The following SPRED1 variants were observed in gnomAD, a reference collection of about 807,000 sequenced individuals.
SPRED1 encodes the protein sprouty related EVH1 domain containing 1.
Under a neutral mutation model 52.3 loss-of-function variants are expected in SPRED1, and 18 were observed. That is an observed-to-expected ratio of 0.34 (90% confidence interval 0.24 to 0.51). The LOEUF (loss-of-function observed/expected upper bound fraction) is 0.51, where lower values mean the gene tolerates loss of function less well. Among genes scored for constraint, SPRED1 ranks in the 20% least tolerant of loss-of-function variants. The pLI, the probability that SPRED1 is intolerant of heterozygous loss-of-function variation, is 0.97. For missense variants in SPRED1, 485 were observed against 551.0 expected, an observed-to-expected ratio of 0.88 and a Z score of 1.20; for synonymous variants, 155 against 179.7, an observed-to-expected ratio of 0.86 and a Z score of 1.10.
At chr15:38,300,331 C>A (rs970089883) in intron 2 of SPRED1, among the ~76,000 whole-genome samples, 2 of 152,120 alleles carry the variant, frequency 1.3e-5, no homozygotes, top group African/African-American at 4.8e-5. Context: ...GAAGAGCATA[C>A]ACTTAGACGC....
chr15:38,351,242 C>A lies in SPRED1; in HGVS notation c.913C>A (p.Pro305Thr), dbSNP rs1448326986. ...TGGGGATGAGACTAAGTTAAGTTCA[C>A]CCAAAGACTCTGTGGTATTTAAGAC... ...SCGDETKLSS[P>T]KDSVVFKTQP... The change falls in exon 7 of 7, where the codon CCC becomes ACC. Residue 305 changes from proline to threonine, a missense_variant. Coordinates refer to ENST00000299084, the MANE Select transcript of SPRED1 (RefSeq NM_152594.3). The A allele has an allele frequency of 1.9e-6, 3 of 1,613,924 alleles. No individual in the cohort carries two copies. The highest frequency in any genetic ancestry group is 2.5e-6 in the Non-Finnish European group (3 of 1,180,024).
chr15:38,276,071 TAC>T (rs1176077376), intron 1 of SPRED1, among the ~76,000 whole-genome samples: 3 of 152,254 alleles, frequency 2.0e-5, no homozygotes, highest in Non-Finnish European at 2.9e-5. Context: ...TAATAATAGA[TAC>T]AGTTATTTCA....
At chr15:38,323,353 A>G (rs1466075923) in intron 3 of SPRED1, among the ~76,000 whole-genome samples, 1 of 152,156 alleles carries the variant, frequency 6.6e-6, no homozygotes, top group African/African-American at 2.4e-5. Flanking sequence ...AAAAATTACT[A>G]TGAAGTAATA....
In SPRED1 at chr15:38,339,767, G is replaced by C. The variant is rs1311531789; in HGVS notation, c.454G>C (p.Val152Leu). ...ANEEDSSSSL[V>L]KDHLFQQETV... Reference sequence around the variant, plus strand: ...TGAAGAGGATTCTTCCAGTTCTCTAGTGAAGGATCACCTTTTTCAGCAAGA... The same window carrying C: ...TGAAGAGGATTCTTCCAGTTCTCTACTGAAGGATCACCTTTTTCAGCAAGA... The change falls in exon 5 of 7, where the codon GTG becomes CTG. Residue 152 changes from valine (V) to leucine (L), a missense_variant. Val to Leu is a conservative substitution (Grantham distance 32, BLOSUM62 1). This residue lies in a region of SPRED1 where 232 missense variants were observed against 231.8 expected (regional missense o/e 1.00). Coordinates refer to ENST00000299084, the MANE Select transcript of SPRED1 (RefSeq NM_152594.3). 1 of 1,613,772 alleles carries C rather than the reference G, an allele frequency of 6.2e-7. No individual in the cohort carries two copies. The highest frequency in any genetic ancestry group is 8.5e-7 in the Non-Finnish European group (1 of 1,179,912).
chr15:38,268,173 G>A (rs1894352000), intron 1 of SPRED1: 1 of 152,214 alleles, frequency 6.6e-6, no homozygotes, highest in African/African-American at 2.4e-5. Context: ...CTCTACTCTA[G>A]CTACAGCAAT....
At chr15:38,263,860 A>G (rs1279055285) in intron 1 of SPRED1, among the ~76,000 whole-genome samples, 1 of 152,122 alleles carries the variant, frequency 6.6e-6, no homozygotes, top group Non-Finnish European at 1.5e-5. Context: ...AAGAAAGTGT[A>G]CAAATTTGGG....
intron 6 of SPRED1, among the ~76,000 whole-genome samples, chr15:38,350,595 A>G (rs1888459986): frequency 6.6e-6 from 1 of 152,160 alleles, no homozygotes; most frequent in Non-Finnish European, 1.5e-5. Flanking sequence ...CCATTCCAGC[A>G]TCAACTCTTA....
chr15:38,271,985 C>G (rs1440160526), intron 1 of SPRED1, among the ~76,000 whole-genome samples: 1 of 152,138 alleles, frequency 6.6e-6, no homozygotes, highest in South Asian at 2.1e-4. Context: ...TTGGCTCCCC[C>G]TTGTAAGAAC....
At chr15:38,306,027 A>G (rs959895492) in intron 2 of SPRED1, among the ~76,000 whole-genome samples, 3 of 151,770 alleles carry the variant, frequency 2.0e-5, no homozygotes, top group African/African-American at 7.3e-5. Context: ...GGCTCCTTCT[A>G]ACTTCTGTGT....
chr15:38,320,008 G>A (rs545683943), intron 2 of SPRED1, among the ~76,000 whole-genome samples: 21 of 152,112 alleles, frequency 1.4e-4, no homozygotes, highest in Admixed American at 1.0e-3. Context: ...TATTTCCACC[G>A]TACAGATATG....
intron 1 of SPRED1, among the ~76,000 whole-genome samples, chr15:38,274,461 A>G (rs1245067400): frequency 1.3e-5 from 2 of 152,222 alleles, no homozygotes; most frequent in Non-Finnish European, 2.9e-5. Context: ...GATTTATGAA[A>G]CTACATATAT....
At chr15:38,308,191 A>G (rs189153065) in intron 2 of SPRED1, among the ~76,000 whole-genome samples, 2 of 152,314 alleles carry the variant, frequency 1.3e-5, no homozygotes, top group South Asian at 4.1e-4. Flanking sequence ...GACTTTTTAA[A>G]TTGAAATTTT....
intron 1 of SPRED1, among the ~76,000 whole-genome samples, chr15:38,288,265 C>G (rs946505771): frequency 1.9e-4 from 29 of 152,070 alleles, no homozygotes; most frequent in Admixed American, 1.2e-3. Flanking sequence ...GGCTTGTTTA[C>G]AACTAAACTT....
intron 1 of SPRED1, among the ~76,000 whole-genome samples, chr15:38,267,845 AAC>A (rs1894343511): frequency 6.6e-6 from 1 of 152,218 alleles, no homozygotes; most frequent in African/African-American, 2.4e-5. Context: ...CACAGTAACA[AAC>A]ACATTCTGCA....
intron 1 of SPRED1, among the ~76,000 whole-genome samples, chr15:38,256,146 AT>A (rs375144246): frequency 9.8e-4 from 150 of 152,304 alleles, no homozygotes; most frequent in African/African-American, 3.4e-3. Context: ...ATAAATTAGA[AT>A]AAAGCATTTC....
chr15:38,325,519 G>C (rs765055285), intron 4 of SPRED1, among the ~76,000 whole-genome samples: 1 of 151,908 alleles, frequency 6.6e-6, no homozygotes, highest in African/African-American at 2.4e-5. Flanking sequence ...GGGCAGGCAC[G>C]CTGAAAATTG....
At chr15:38,275,030 A>G (rs1233579719) in intron 1 of SPRED1, among the ~76,000 whole-genome samples, 1 of 152,040 alleles carries the variant, frequency 6.6e-6, no homozygotes, top group Non-Finnish European at 1.5e-5. Flanking sequence ...TAAATATCCT[A>G]TTTTCTGTCA....
chr15:38,324,646 C>A, intron 3 of SPRED1, 117 bp from the exon 4 acceptor site: 1 of 798,278 alleles, frequency 1.3e-6, no homozygotes, highest in Non-Finnish European at 2.0e-6. Flanking sequence ...GCCAGGCAGT[C>A]CAGAAAGATC....
chr15:38,309,691 C>T (rs1895322807), intron 2 of SPRED1, among the ~76,000 whole-genome samples: 1 of 152,128 alleles, frequency 6.6e-6, no homozygotes, highest in South Asian at 2.1e-4. Flanking sequence ...GAAGATTTAT[C>T]CTGTGTTTTT....
Sources: allele counts gnomAD v4.1 joint callset (sites outside exome capture counted in the v4.1 genomes callset), GRCh38; gene constraint gnomAD v4.1.1; regional missense constraint gnomAD v4.1.1; transcripts MANE v1.5; gene names NCBI Gene and HGNC (gene_info 2026-07-23, HGNC 2026-07-21).